The following KCNK2 variants were observed in gnomAD, a reference collection of about 807,000 sequenced individuals.
KCNK2 encodes potassium two pore domain channel subfamily K member 2.
In KCNK2, 21 loss-of-function variants were observed where a neutral mutation model predicts 40.5. That is an observed-to-expected ratio of 0.52 (90% confidence interval 0.37 to 0.75). KCNK2 has a LOEUF of 0.75. Among genes scored for constraint, KCNK2 ranks in the 30% least tolerant of loss-of-function variants. The pLI is 0.00. For missense variants in KCNK2, 399 were observed against 531.6 expected, an observed-to-expected ratio of 0.75 and a Z score of 2.45; for synonymous variants, 191 against 202.2, an observed-to-expected ratio of 0.94 and a Z score of 0.47.
intron 1 of KCNK2, among the ~76,000 whole-genome samples, chr1:215,066,380 T>A (rs1180749628): frequency 6.6e-6 from 1 of 152,216 alleles, no homozygotes; most frequent in African/African-American, 2.4e-5. Context: ...AATTTACCCC[T>A]GTATTCCTGT....
At position 215,179,815 on chromosome 1, in the gene KCNK2, G is replaced by A. The variant is rs1255709362; in HGVS notation, c.823+7632G>A. Reference sequence around the variant, plus strand: ...GATCTTCAGATATGTTCCATGTGCAGATGAGAAAAATGTATATTCTGTGGT... The same window carrying A: ...GATCTTCAGATATGTTCCATGTGCAAATGAGAAAAATGTATATTCTGTGGT... On this transcript the variant is annotated intron_variant, in intron 5 of 6. Coordinates refer to ENST00000444842, the MANE Select transcript of KCNK2 (RefSeq NM_001017425.3). Among the ~76,000 whole-genome samples, 4 of 152,144 alleles carry A rather than the reference G, an allele frequency of 2.6e-5. No homozygotes were observed. The South Asian group carries it at 6.2e-4, about 24-fold the overall frequency.
chr1:215,086,699 G>A (rs992157085), intron 2 of KCNK2, 21 bp downstream of exon 2: 3 of 1,596,574 alleles, frequency 1.9e-6, no homozygotes, highest in East Asian at 4.5e-5. Flanking sequence ...GGGAGGAGTT[G>A]TTACTCTGTT....
At chr1:215,223,332 C>A (rs549633273) in intron 6 of KCNK2, among the ~76,000 whole-genome samples, 1 of 149,968 alleles carries the variant, frequency 6.7e-6, no homozygotes, top group Non-Finnish European at 1.5e-5. Context: ...TTACAGAGTT[C>A]AGAGTTTCAG....
At chr1:215,164,723 C>G (rs1204266626) in intron 3 of KCNK2, among the ~76,000 whole-genome samples, 1 of 152,138 alleles carries the variant, frequency 6.6e-6, no homozygotes, top group East Asian at 1.9e-4. Context: ...TTCAGGGTCA[C>G]TTATCGTGTG....
At chr1:215,159,549 A>C (rs942306350) in intron 3 of KCNK2, among the ~76,000 whole-genome samples, 2 of 152,162 alleles carry the variant, frequency 1.3e-5, no homozygotes, top group African/African-American at 4.8e-5. Context: ...TTAAAGAAGA[A>C]TATCCTTGCT....
chr1:215,044,848 TGAC>T (rs1571866854), intron 1 of KCNK2, among the ~76,000 whole-genome samples: 1 of 150,182 alleles, frequency 6.7e-6, no homozygotes, highest in Admixed American at 6.7e-5. Context: ...CGTGTGTTGA[TGAC>T]GAGTTGGCAA....
intron 2 of KCNK2, among the ~76,000 whole-genome samples, chr1:215,097,188 T>C (rs548447186): frequency 3.9e-5 from 6 of 152,132 alleles, no homozygotes; most frequent in Admixed American, 6.6e-5. Context: ...TATTAATGTC[T>C]GGACTAAAAG....
intron 1 of KCNK2, among the ~76,000 whole-genome samples, chr1:215,044,818 TGTGTGTGTGC>T (rs1257493766): frequency 1.6e-3 from 99 of 63,766 alleles, no homozygotes; most frequent in African/African-American, 4.4e-3. Flanking sequence ...TGTGTGTGTG[TGTGTGTGTGC>T]GCGCGCACAC....
intron 1 of KCNK2, among the ~76,000 whole-genome samples, chr1:215,043,337 A>G (rs186819903): frequency 4.7e-4 from 71 of 152,336 alleles, no homozygotes; most frequent in Non-Finnish European, 8.2e-4. Context: ...TCAAACAGAT[A>G]TTTGTACACC....
chr1:215,143,296 G>C (rs1202830546), intron 3 of KCNK2, among the ~76,000 whole-genome samples: 2 of 152,086 alleles, frequency 1.3e-5, no homozygotes, highest in Non-Finnish European at 2.9e-5. Context: ...TCTATAGGAG[G>C]GCAGGACTTT....
intron 1 of KCNK2, among the ~76,000 whole-genome samples, chr1:215,043,236 C>T (rs572669787): frequency 7.0e-4 from 107 of 152,274 alleles, no homozygotes; most frequent in African/African-American, 2.3e-3. Context: ...AAAAACAGTA[C>T]GGTAGTTCCT....
intron 1 of KCNK2, among the ~76,000 whole-genome samples, chr1:215,028,379 C>G (rs1657069780): frequency 6.6e-6 from 1 of 151,476 alleles, no homozygotes; most frequent in East Asian, 1.9e-4. Context: ...GGGCAAAACT[C>G]CATCTCAAAA....
At chr1:215,173,204 G>A (rs544739919) in intron 5 of KCNK2, among the ~76,000 whole-genome samples, 1 of 152,232 alleles carries the variant, frequency 6.6e-6, no homozygotes, top group African/African-American at 2.4e-5. Flanking sequence ...CTACCTATGA[G>A]TGAGAACAGG....
chr1:215,189,647 A>G (rs560586233), intron 5 of KCNK2, among the ~76,000 whole-genome samples: 1 of 152,334 alleles, frequency 6.6e-6, no homozygotes, highest in African/African-American at 2.4e-5. Flanking sequence ...TCAATGGCAT[A>G]TGAAAAGTTT....
chr1:215,101,151 A>G (rs559734575), intron 2 of KCNK2, among the ~76,000 whole-genome samples: 2 of 152,152 alleles, frequency 1.3e-5, no homozygotes, highest in African/African-American at 4.8e-5. Flanking sequence ...CATGGGATAT[A>G]ATCAACATTT....
At chr1:215,160,898 T>C (rs1221111996) in intron 3 of KCNK2, among the ~76,000 whole-genome samples, 1 of 152,176 alleles carries the variant, frequency 6.6e-6, no homozygotes, top group Non-Finnish European at 1.5e-5. Flanking sequence ...ATTATTCCTC[T>C]GGGCATATCA....
intron 6 of KCNK2, among the ~76,000 whole-genome samples, chr1:215,224,054 G>A (rs951402609): frequency 3.9e-5 from 6 of 152,110 alleles, no homozygotes; most frequent in African/African-American, 4.8e-5. Flanking sequence ...TTGAGGAGTT[G>A]TCTAAGTTTA....
chr1:215,071,591 C>G (rs1261906274), intron 1 of KCNK2, among the ~76,000 whole-genome samples: 1 of 152,028 alleles, frequency 6.6e-6, no homozygotes, highest in Non-Finnish European at 1.5e-5. Context: ...TAGGAGAAAG[C>G]TATAATTATA....
intron 1 of KCNK2, among the ~76,000 whole-genome samples, chr1:215,055,265 A>G (rs1298371774): frequency 2.0e-5 from 3 of 152,204 alleles, no homozygotes; most frequent in Middle Eastern, 3.2e-3. Flanking sequence ...TTATGTCCCA[A>G]TCACTGTTTG....
Sources: allele counts gnomAD v4.1 joint callset (sites outside exome capture counted in the v4.1 genomes callset), GRCh38; gene constraint gnomAD v4.1.1; transcripts MANE v1.5; gene names NCBI Gene and HGNC (gene_info 2026-07-23, HGNC 2026-07-21).